Variants in RNLS observed in about 807,000 individuals in gnomAD.
RNLS encodes the protein renalase, FAD dependent amine oxidase.
In RNLS, 39 loss-of-function variants were observed where a neutral mutation model predicts 39.8. The observed-to-expected ratio is 0.98, with a 90% CI of 0.76 to 1.28. The LOEUF is 1.28. Ranked by LOEUF, RNLS falls within the 50% of genes most tolerant of loss-of-function variation. RNLS has a pLI of 0.00. For synonymous variants in RNLS, 147 were observed against 150.7 expected, an observed-to-expected ratio of 0.98 and a Z score of 0.18; for missense variants, 410 against 413.3, an observed-to-expected ratio of 0.99 and a Z score of 0.07.
At chr10:88,178,953 G>A in the RNLS span, among the ~76,000 whole-genome samples, 3 of 152,218 alleles carry the variant, frequency 2.0e-5, no homozygotes, top group South Asian at 6.2e-4. Flanking sequence ...TATTTATAGA[G>A]ATCAACTGTG....
At chr10:88,314,722 A>G in intron 5 of RNLS, 81 bp from the exon 6 acceptor site, 3 of 1,204,694 alleles carry the variant, frequency 2.5e-6, no homozygotes, top group East Asian at 2.5e-5. Context: ...TTCAGACTTA[A>G]GAACTGATCA....
chr10:88,316,173 A>G (rs1022848543), intron 5 of RNLS, among the ~76,000 whole-genome samples: 9 of 152,192 alleles, frequency 5.9e-5, no homozygotes, highest in Non-Finnish European at 1.3e-4. Context: ...AGTAAATGCA[A>G]TGGTAAGCTG....
At chr10:88,556,166 A>C (rs2134361125) in intron 4 of RNLS, among the ~76,000 whole-genome samples, 1 of 152,244 alleles carries the variant, frequency 6.6e-6, no homozygotes, top group African/African-American at 2.4e-5. Context: ...TTTTGCAATT[A>C]TTCAATCCCA....
At chr10:88,194,033 C>T in the RNLS span, among the ~76,000 whole-genome samples, 7 of 152,172 alleles carry the variant, frequency 4.6e-5, no homozygotes, top group African/African-American at 1.7e-4. Context: ...TATGAAATCA[C>T]GTCTACATGC....
chr10:88,514,368 C>T (rs1317434537), intron 4 of RNLS, among the ~76,000 whole-genome samples: 1 of 152,014 alleles, frequency 6.6e-6, no homozygotes, highest in Non-Finnish European at 1.5e-5. Flanking sequence ...GTCCCTCCCT[C>T]GACACATGGG....
At chr10:88,232,188 A>G in the RNLS span, among the ~76,000 whole-genome samples, 4,541 of 151,998 alleles carry the variant, frequency 0.03, 205 homozygotes, top group African/African-American at 0.093. Context: ...CCAATGCTAC[A>G]CTCACCTCTT....
At position 88,503,417 on chromosome 10, in the gene RNLS, T is replaced by G. The variant is rs569250721; in HGVS notation, c.526+69486A>C. 5.3e-5 allele frequency among the ~76,000 whole-genome samples: 8 copies of G among 152,184 alleles called. No individual in the cohort carries two copies. The South Asian group carries it at 1.5e-3, about 28-fold the overall frequency. ...AGAAATAAAAATAAAAATAAATCATTGTCCTCAAAGCTTTAAACAAAAGCT... is the reference window on the plus strand; with the variant it reads ...AGAAATAAAAATAAAAATAAATCATGGTCCTCAAAGCTTTAAACAAAAGCT... On this transcript the variant is annotated intron_variant, in intron 4 of 6. Transcript: ENST00000331772.
intron 4 of RNLS, among the ~76,000 whole-genome samples, chr10:88,381,723 A>AAAT (rs1851509588): frequency 6.6e-6 from 1 of 152,024 alleles, no homozygotes; most frequent in African/African-American, 2.4e-5. Flanking sequence ...AAAAGTTTCT[A>AAAT]AATTTTAGAA....
intron 5 of RNLS, among the ~76,000 whole-genome samples, chr10:88,360,372 T>A (rs1849539782): frequency 6.6e-6 from 1 of 152,204 alleles, no homozygotes; most frequent in South Asian, 2.1e-4. Flanking sequence ...TTCTGGCCTG[T>A]GGCACATGAG....
the RNLS span, among the ~76,000 whole-genome samples, chr10:88,208,610 A>G: frequency 6.6e-6 from 1 of 151,932 alleles, no homozygotes; most frequent in African/African-American, 2.4e-5. Flanking sequence ...AATTTCAGGG[A>G]AAAAAAATTG....
chr10:88,417,229 G>T lies in RNLS; in HGVS notation c.527-54504C>A, dbSNP rs2133736573. Among the ~76,000 whole-genome samples, 3 of 152,240 alleles carry T rather than the reference G, an allele frequency of 2.0e-5. No individual in the cohort carries two copies. In the South Asian group the frequency reaches 6.2e-4, roughly 32 times the overall value. On this transcript the variant is annotated intron_variant, in intron 4 of 6. Coordinates refer to ENST00000331772, the MANE Select transcript of RNLS (RefSeq NM_001031709.3). ...TTTCCAAAGCCTTTTGAACAGCAGG[G>T]TCTAAACACTATTGTATTGTTTAGT...
intron 4 of RNLS, among the ~76,000 whole-genome samples, chr10:88,498,029 C>T (rs1845271828): frequency 1.3e-5 from 2 of 151,638 alleles, no homozygotes; most frequent in Admixed American, 1.3e-4. Context: ...TGCCAAAAAC[C>T]AGTAGGTGAA....
At position 88,314,453 on chromosome 10, in the gene RNLS, A is replaced by T. The variant is rs1411897868; in HGVS notation, c.876+13T>A. ...AAAATTGTTGTGCTTAGACCACTGG[A>T]TTCTTTGATTACCTGTGAATGTCTC... On this transcript the variant is annotated intron_variant, in intron 6 of 6. Transcript: ENST00000331772. 3 of 1,612,976 alleles carry T rather than the reference A, an allele frequency of 1.9e-6. No homozygotes were observed. In the African/African-American group the frequency reaches 4.0e-5, roughly 22 times the overall value.
the RNLS span, among the ~76,000 whole-genome samples, chr10:88,206,743 G>A: frequency 1.3e-5 from 2 of 152,196 alleles, no homozygotes; most frequent in African/African-American, 4.8e-5. Flanking sequence ...CCAGACTCAG[G>A]AGAACGAAGC....
chr10:88,266,694 TACACACACACACACACACACACACAC>T, the RNLS span, among the ~76,000 whole-genome samples: 1 of 134,210 alleles, frequency 7.5e-6, no homozygotes, highest in East Asian at 2.2e-4. Context: ...TTCTTTTAAA[TACACACACACACACACACACACACAC>T]ACACACACAC....
At chr10:88,173,069 A>G in the RNLS span, among the ~76,000 whole-genome samples, 1 of 151,608 alleles carries the variant, frequency 6.6e-6, no homozygotes. Context: ...CATGTTAGCC[A>G]GGGTGGTCTC....
intron 4 of RNLS, among the ~76,000 whole-genome samples, chr10:88,525,801 T>A (rs1452197408): frequency 6.6e-6 from 1 of 152,108 alleles, no homozygotes; most frequent in Non-Finnish European, 1.5e-5. Context: ...AATAAAAACA[T>A]TGTATGTTCT....
At chr10:88,568,227 T>C (rs1849626032) in intron 4 of RNLS, among the ~76,000 whole-genome samples, 1 of 152,154 alleles carries the variant, frequency 6.6e-6, no homozygotes, top group South Asian at 2.1e-4. Context: ...AGCTCCATCA[T>C]GACCTTTTAT....
chr10:88,317,378 C>T lies in RNLS; in HGVS notation c.701-2737G>A, dbSNP rs184077472. On this transcript the variant is annotated intron_variant, in intron 5 of 6. Coordinates refer to ENST00000331772, the MANE Select transcript of RNLS (RefSeq NM_001031709.3). ...CTTCCTTCAAACATAAAGTGCTACACAAACAGAAGGCATTCCTAGGTAATA... is the reference window on the plus strand; with the variant it reads ...CTTCCTTCAAACATAAAGTGCTACATAAACAGAAGGCATTCCTAGGTAATA... Among the ~76,000 whole-genome samples the T allele has an allele frequency of 7.9e-4, 120 of 152,302 alleles. 1 individual carries two copies. In the South Asian group the frequency reaches 9.1e-3, roughly 12 times the overall value.
Sources: allele counts gnomAD v4.1 joint callset (sites outside exome capture counted in the v4.1 genomes callset), GRCh38; gene constraint gnomAD v4.1.1; transcripts MANE v1.5; gene names NCBI Gene and HGNC (gene_info 2026-07-23, HGNC 2026-07-21).